The following SLC60A1 variants were observed in gnomAD, a reference collection of about 807,000 sequenced individuals.
The protein encoded by SLC60A1 is solute carrier family 60 member 1.
the SLC60A1 span, among the ~76,000 whole-genome samples, chr1:205,573,771 A>G: frequency 6.6e-6 from 1 of 152,026 alleles, no homozygotes; most frequent in Non-Finnish European, 1.5e-5. Flanking sequence ...ATCTCATCTC[A>G]CTGCAAACCC....
At chr1:205,572,947 G>A in the SLC60A1 span, among the ~76,000 whole-genome samples, 9 of 152,096 alleles carry the variant, frequency 5.9e-5, no homozygotes, top group Non-Finnish European at 1.3e-4. Flanking sequence ...GTCCATCAGC[G>A]GATGGATGGA....
At chr1:205,587,688 A>G in the SLC60A1 span, among the ~76,000 whole-genome samples, 1 of 152,158 alleles carries the variant, frequency 6.6e-6, no homozygotes, top group South Asian at 2.1e-4. Flanking sequence ...CGAGTGAGGA[A>G]GGCCCTGACA....
the SLC60A1 span, chr1:205,600,292 AGAG>A: frequency 3.6e-6 from 4 of 1,111,594 alleles, no homozygotes; most frequent in Non-Finnish European, 5.3e-6. Flanking sequence ...TGCTCCCTCT[AGAG>A]CCACAGAATG....
chr1:205,580,046 C>T, the SLC60A1 span: 2 of 1,307,324 alleles, frequency 1.5e-6, no homozygotes, highest in Admixed American at 2.4e-5. This position sits in a 1 kb window ranked among gnomAD's most constrained non-coding sequence, Gnocchi z 5.0. Flanking sequence ...CCCAGGGGCC[C>T]ACTTACCAGC....
the SLC60A1 span, chr1:205,592,099 C>T: frequency 1.9e-6 from 3 of 1,611,240 alleles, no homozygotes; most frequent in South Asian, 1.1e-5. Context: ...CGATGCTCAG[C>T]TTTTCGCAAT....
At chr1:205,593,797 T>A in the SLC60A1 span, among the ~76,000 whole-genome samples, 1 of 152,180 alleles carries the variant, frequency 6.6e-6, no homozygotes, top group East Asian at 1.9e-4. Context: ...TCTTAGCAGT[T>A]CATTTCCTCC....
the SLC60A1 span, chr1:205,569,244 T>G: frequency 6.4e-7 from 1 of 1,569,748 alleles, no homozygotes; most frequent in South Asian, 1.2e-5. Flanking sequence ...GGTCTTCTTC[T>G]CGCAGCAGCT....
At chr1:205,582,539 C>T in the SLC60A1 span, among the ~76,000 whole-genome samples, 1 of 152,186 alleles carries the variant, frequency 6.6e-6, no homozygotes, top group Non-Finnish European at 1.5e-5. Flanking sequence ...TGAAGCCCTT[C>T]CCAGCACCCA....
At chr1:205,571,059 C>T in the SLC60A1 span, among the ~76,000 whole-genome samples, 1 of 152,152 alleles carries the variant, frequency 6.6e-6, no homozygotes, top group African/African-American at 2.4e-5. Flanking sequence ...GGAACTGGCT[C>T]ACAGAAGAGA....
chr1:205,586,360 G>T, the SLC60A1 span, among the ~76,000 whole-genome samples: 1 of 152,192 alleles, frequency 6.6e-6, no homozygotes, highest in Non-Finnish European at 1.5e-5. Flanking sequence ...AGGATGACGA[G>T]GAAGGGGTGG....
the SLC60A1 span, among the ~76,000 whole-genome samples, chr1:205,581,443 G>A: frequency 1.3e-5 from 2 of 152,210 alleles, no homozygotes; most frequent in African/African-American, 4.8e-5. The surrounding 1 kb of genome is among the most constrained non-coding windows in gnomAD (Gnocchi z 4.2). Flanking sequence ...GTCACATACC[G>A]AGGCCCGCTT....
chr1:205,574,656 T>C, the SLC60A1 span, among the ~76,000 whole-genome samples: 13 of 152,122 alleles, frequency 8.5e-5, no homozygotes, highest in African/African-American at 3.1e-4. Flanking sequence ...TGGGGGCCAC[T>C]TAGCTAGGTG....
chr1:205,580,985 C>T, the SLC60A1 span: 1 of 1,550,586 alleles, frequency 6.4e-7, no homozygotes, highest in Non-Finnish European at 8.7e-7. The surrounding 1 kb of genome is among the most constrained non-coding windows in gnomAD (Gnocchi z 5.0). Context: ...CCAGTCCACC[C>T]CACACCCAGT....
chr1:205,576,374 G>A, the SLC60A1 span, among the ~76,000 whole-genome samples: 1 of 152,280 alleles, frequency 6.6e-6, no homozygotes, highest in Middle Eastern at 3.4e-3. Flanking sequence ...GAGCAAAGGA[G>A]GATGAAATGT....
At chr1:205,576,057 G>A in the SLC60A1 span, among the ~76,000 whole-genome samples, 2 of 152,182 alleles carry the variant, frequency 1.3e-5, no homozygotes, top group Admixed American at 1.3e-4. Context: ...TGTCATTGCT[G>A]CCACCTTAGC....
the SLC60A1 span, chr1:205,579,412 C>T: frequency 1.9e-6 from 1 of 524,870 alleles, no homozygotes; most frequent in South Asian, 2.9e-5. Flanking sequence ...ATGCTCAAAA[C>T]AGGTTCCCTG....
the SLC60A1 span, chr1:205,600,252 G>A: frequency 3.4e-5 from 22 of 640,924 alleles, no homozygotes; most frequent in African/African-American, 9.3e-5. Flanking sequence ...CCAACTGTTC[G>A]CCAGAACTAG....
the SLC60A1 span, chr1:205,586,026 C>G: frequency 3.1e-6 from 5 of 1,590,780 alleles, no homozygotes. Flanking sequence ...CGCCCGGTCT[C>G]TCCACAGGGT....
chr1:205,597,391 T>TG, the SLC60A1 span, among the ~76,000 whole-genome samples: 1 of 147,278 alleles, frequency 6.8e-6, no homozygotes, highest in Non-Finnish European at 1.5e-5. Context: ...TTTTTTTTTT[T>TG]TTTTTTTTTC....
Sources: allele counts gnomAD v4.1 joint callset (sites outside exome capture counted in the v4.1 genomes callset), GRCh38; gene constraint gnomAD v4.1.1; non-coding constraint Gnocchi (gnomAD v3.1); transcripts MANE v1.5; gene names NCBI Gene and HGNC (gene_info 2026-07-23, HGNC 2026-07-21).